PLCZ1: variants seen among roughly 807,000 people sequenced by gnomAD.
PLCZ1 encodes the protein phospholipase C zeta 1.
Under a neutral mutation model 76.8 loss-of-function variants are expected in PLCZ1, and 64 were observed. The observed-to-expected ratio is 0.83, with a 90% CI of 0.68 to 1.03. The LOEUF (loss-of-function observed/expected upper bound fraction) is 1.03, where lower values mean the gene tolerates loss of function less well. Among genes scored for constraint, PLCZ1 ranks in the 50% least tolerant of loss-of-function variants. PLCZ1 has a pLI of 0.00. For synonymous variants in PLCZ1, 248 were observed against 230.8 expected (o/e 1.07, Z -0.68); for missense variants, 751 against 713.7 (o/e 1.05, Z -0.60).
the PLCZ1 span, among the ~76,000 whole-genome samples, chr12:18,646,065 G>A: frequency 6.6e-6 from 1 of 152,148 alleles, no homozygotes; most frequent in South Asian, 2.1e-4. Context: ...TTTCCAGGCA[G>A]CATTGGGCAT....
chr12:18,675,213 T>C, the PLCZ1 span, among the ~76,000 whole-genome samples: 2 of 152,086 alleles, frequency 1.3e-5, no homozygotes, highest in South Asian at 2.1e-4. Flanking sequence ...ATGAGTAAAC[T>C]CTCCTCCTCC....
chr12:18,698,471 A>T (rs958252381), intron 10 of PLCZ1, among the ~76,000 whole-genome samples: 2 of 152,178 alleles, frequency 1.3e-5, no homozygotes, highest in African/African-American at 4.8e-5. Flanking sequence ...TATGAACTAA[A>T]GTATACTTCA....
At chr12:18,719,742 T>C (rs1958328507) in intron 4 of PLCZ1, 110 bp from the exon 5 acceptor site, 1 of 691,208 alleles carries the variant, frequency 1.4e-6, no homozygotes, top group Non-Finnish European at 2.3e-6. Flanking sequence ...ATTTCTAAAA[T>C]ATTCCTTTAG....
At chr12:18,685,707 A>G (rs748110816) in intron 13 of PLCZ1, 1 of 504,962 alleles carries the variant, frequency 2.0e-6, no homozygotes, top group Admixed American at 2.0e-5. Context: ...TTTAGAGTCA[A>G]TTCTTTATAG....
At chr12:18,674,900 G>A in the PLCZ1 span, among the ~76,000 whole-genome samples, 27 of 152,092 alleles carry the variant, frequency 1.8e-4, no homozygotes, top group Non-Finnish European at 2.8e-4. Context: ...GGTAACCTGG[G>A]GAGAGAGAGA....
At chr12:18,712,099 T>C (rs1957412950) in intron 6 of PLCZ1, among the ~76,000 whole-genome samples, 1 of 152,160 alleles carries the variant, frequency 6.6e-6, no homozygotes. Flanking sequence ...TACACAGTTT[T>C]AGTACGTAGT....
the PLCZ1 span, among the ~76,000 whole-genome samples, chr12:18,650,284 A>T: frequency 6.9e-6 from 1 of 145,162 alleles, no homozygotes; most frequent in Admixed American, 7.0e-5. Context: ...ACTTGAAGCT[A>T]ACCCAAATTT....
chr12:18,650,761 T>G, the PLCZ1 span, among the ~76,000 whole-genome samples: 1 of 109,014 alleles, frequency 9.2e-6, no homozygotes, highest in African/African-American at 3.3e-5. Context: ...TATATATATA[T>G]ATATTCCAGT....
At chr12:18,664,631 A>G in the PLCZ1 span, among the ~76,000 whole-genome samples, 1 of 152,160 alleles carries the variant, frequency 6.6e-6, no homozygotes, top group South Asian at 2.1e-4. Context: ...TAGAAAGACC[A>G]TTTGACCCAG....
At chr12:18,661,504 C>CA in the PLCZ1 span, among the ~76,000 whole-genome samples, 16 of 152,012 alleles carry the variant, frequency 1.1e-4, no homozygotes, top group Non-Finnish European at 2.4e-4. Context: ...CTGTATCTAG[C>CA]AAAACTGTCC....
At chr12:18,661,377 A>G in the PLCZ1 span, among the ~76,000 whole-genome samples, 1 of 37,358 alleles carries the variant, frequency 2.7e-5, no homozygotes, top group Non-Finnish European at 9.1e-5. Flanking sequence ...ATAAAAAAAA[A>G]GAGAGAGAGA....
chr12:18,676,715 C>T, the PLCZ1 span, among the ~76,000 whole-genome samples: 3 of 152,132 alleles, frequency 2.0e-5, no homozygotes, highest in Non-Finnish European at 4.4e-5. Flanking sequence ...TGCCTGCCCA[C>T]TTAACTATTC....
chr12:18,705,385 T>C (rs1283035305), intron 6 of PLCZ1, 70 bp from the exon 7 acceptor site: 14 of 1,551,918 alleles, frequency 9.0e-6, no homozygotes, highest in Non-Finnish European at 1.1e-5. Context: ...TTAATATAAG[T>C]GCTTAATGTA....
chr12:18,730,945 G>A (rs1398776290), intron 3 of PLCZ1: 1 of 152,058 alleles, frequency 6.6e-6, no homozygotes, highest in Admixed American at 6.6e-5. Context: ...ATAAAAACTT[G>A]TGTTCTTTGA....
At chr12:18,728,181 G>A (rs1958859969) in intron 3 of PLCZ1, among the ~76,000 whole-genome samples, 1 of 152,182 alleles carries the variant, frequency 6.6e-6, no homozygotes, top group Non-Finnish European at 1.5e-5. Context: ...AAAACAATAT[G>A]CTATAGAAGA....
intron 12 of PLCZ1, chr12:18,693,564 G>A (rs775895177): frequency 1.4e-4 from 222 of 1,602,672 alleles, no homozygotes; most frequent in Non-Finnish European, 1.8e-4. Context: ...CTAGGTGATG[G>A]GCCCAAACTC....
intron 12 of PLCZ1, among the ~76,000 whole-genome samples, chr12:18,692,609 A>T (rs1954291049): frequency 1.3e-5 from 2 of 152,170 alleles, no homozygotes; most frequent in Admixed American, 6.5e-5. Context: ...AAAAGGAAGC[A>T]ATATGAGGTC....
chr12:18,677,147 G>C, the PLCZ1 span, among the ~76,000 whole-genome samples: 1 of 152,084 alleles, frequency 6.6e-6, no homozygotes, highest in Admixed American at 6.6e-5. Context: ...GGCTTTGGCT[G>C]AACACAAGAT....
chr12:18,693,447 T>C, intron 12 of PLCZ1: 13 of 1,605,764 alleles, frequency 8.1e-6, no homozygotes, highest in Non-Finnish European at 1.1e-5. Flanking sequence ...GGGGTCATTC[T>C]CTGTGGTCCA....
Sources: allele counts gnomAD v4.1 joint callset (sites outside exome capture counted in the v4.1 genomes callset), GRCh38; gene constraint gnomAD v4.1.1; transcripts MANE v1.5; gene names NCBI Gene and HGNC (gene_info 2026-07-23, HGNC 2026-07-21).